TMEFF1: variants seen among roughly 807,000 people sequenced by gnomAD.
The protein encoded by TMEFF1 is transmembrane protein with EGF like and two follistatin like domains 1, also known as tomoregulin-1.
Under a neutral mutation model 47.5 loss-of-function variants are expected in TMEFF1, and 20 were observed. That is an observed-to-expected ratio of 0.42 (90% CI 0.30 to 0.61). The LOEUF is 0.61. Among genes scored for constraint, TMEFF1 ranks in the 20% least tolerant of loss-of-function variants. The pLI is 0.19. For synonymous variants in TMEFF1, 162 were observed against 166.3 expected, an observed-to-expected ratio of 0.97 and a Z score of 0.20; for missense variants, 411 against 471.1, an observed-to-expected ratio of 0.87 and a Z score of 1.18.
chr9:100,547,904 T>G lies in TMEFF1; in HGVS notation c.709+12T>G, dbSNP rs1460539764. ...TGGTCATTGCACAGGTAAAATCCAT[T>G]TTATTTATTCAGAGACCCATCTTTA... is the stretch of plus-strand genomic sequence containing the variant. On this transcript the variant is annotated intron_variant, in intron 6 of 9. Transcript: ENST00000374879. The G allele has an allele frequency of 6.4e-7, 1 of 1,565,732 alleles. No individual in the cohort carries two copies. The highest frequency in any genetic ancestry group is 8.6e-7 in the Non-Finnish European group (1 of 1,158,644).
chr9:100,573,916 A>G (rs547430825), intron 9 of TMEFF1, among the ~76,000 whole-genome samples: 3 of 152,286 alleles, frequency 2.0e-5, no homozygotes, highest in Non-Finnish European at 2.9e-5. Flanking sequence ...CATGTAACAA[A>G]TAATGATAAC....
At chr9:100,569,240 C>T (rs747318592) in intron 8 of TMEFF1, among the ~76,000 whole-genome samples, 94 of 152,086 alleles carry the variant, frequency 6.2e-4, no homozygotes, top group Non-Finnish European at 1.1e-3. Context: ...TTTAGGCTAT[C>T]GTAGTAACTG....
chr9:100,550,183 A>G lies in TMEFF1; in HGVS notation c.775+23A>G, dbSNP rs199512679. On this transcript the variant is annotated intron_variant, in intron 7 of 9. Coordinates refer to ENST00000374879, the MANE Select transcript of TMEFF1 (RefSeq NM_003692.5). The stretch of plus-strand genomic sequence containing the variant: ...AAGGTACTGAATCATGCATCTCCAA[A>G]TTTTGGCCAGCTATGGAAATACGGT... The G allele has an allele frequency of 5.4e-5, 86 of 1,604,048 alleles. No homozygotes were observed. The East Asian group carries it at 1.9e-3, about 36-fold the overall frequency.
At chr9:100,547,964 G>T (rs999898550) in intron 6 of TMEFF1, 72 bp downstream of exon 6, 8 of 1,324,806 alleles carry the variant, frequency 6.0e-6, no homozygotes, top group Non-Finnish European at 7.8e-6. Flanking sequence ...TGTACATTTG[G>T]TAGTGTTTCA....
chr9:100,486,437 T>C (rs1194108713), intron 1 of TMEFF1, among the ~76,000 whole-genome samples: 3 of 152,024 alleles, frequency 2.0e-5, no homozygotes, highest in Admixed American at 2.0e-4. Context: ...AGATGGGGTT[T>C]CACCATATTG....
At chr9:100,523,760 G>C (rs1377513013) in intron 5 of TMEFF1, among the ~76,000 whole-genome samples, 1 of 152,156 alleles carries the variant, frequency 6.6e-6, no homozygotes, top group Admixed American at 6.5e-5. Flanking sequence ...ATGTTTTTCA[G>C]TAATAATACC....
chr9:100,555,189 A>G (rs1564026574), intron 7 of TMEFF1, among the ~76,000 whole-genome samples: 1 of 151,896 alleles, frequency 6.6e-6, no homozygotes, highest in Non-Finnish European at 1.5e-5. Context: ...ACACACACAC[A>G]CACACGCACA....
At chr9:100,534,944 T>G (rs141556397) in intron 5 of TMEFF1, among the ~76,000 whole-genome samples, 171 of 152,242 alleles carry the variant, frequency 1.1e-3, no homozygotes, top group Admixed American at 3.4e-3. Context: ...GTGGGCAAAA[T>G]TTTTTTGTAA....
At chr9:100,561,910 G>C (rs1051921962) in intron 8 of TMEFF1, among the ~76,000 whole-genome samples, 1 of 152,124 alleles carries the variant, frequency 6.6e-6, no homozygotes, top group Non-Finnish European at 1.5e-5. Flanking sequence ...AAAAATAAGG[G>C]GATGGGGACG....
At chr9:100,510,826 T>C (rs1837950346) in intron 3 of TMEFF1, among the ~76,000 whole-genome samples, 1 of 152,050 alleles carries the variant, frequency 6.6e-6, no homozygotes, top group African/African-American at 2.4e-5. Flanking sequence ...GATGAGTTGG[T>C]TGTGTGGTTA....
chr9:100,476,140 A>G (rs1837223629), intron 1 of TMEFF1, among the ~76,000 whole-genome samples: 1 of 151,252 alleles, frequency 6.6e-6, no homozygotes, highest in Non-Finnish European at 1.5e-5. Context: ...GTTTTCTAGC[A>G]GTAAGATATA....
intron 5 of TMEFF1, among the ~76,000 whole-genome samples, chr9:100,521,382 G>T (rs1838157455): frequency 6.6e-6 from 1 of 152,170 alleles, no homozygotes. Flanking sequence ...TAGAGGTGTA[G>T]GTGGTTGAGG....
At chr9:100,493,690 C>T (rs943616758) in intron 1 of TMEFF1, among the ~76,000 whole-genome samples, 1 of 152,148 alleles carries the variant, frequency 6.6e-6, no homozygotes, top group Non-Finnish European at 1.5e-5. Flanking sequence ...AGTAATGGCT[C>T]ATCCGTTTTA....
At chr9:100,568,356 T>C (rs1161528160) in intron 8 of TMEFF1, among the ~76,000 whole-genome samples, 1 of 152,204 alleles carries the variant, frequency 6.6e-6, no homozygotes, top group East Asian at 1.9e-4. Flanking sequence ...ATGAAGGACA[T>C]TATTTAAAAA....
Position 100,513,308 on chromosome 9 carries a change from T to A in TMEFF1, c.438T>A (p.Asp146Glu). The A allele has an allele frequency of 1.3e-6, 2 of 1,598,048 alleles. No individual in the cohort carries two copies. The highest frequency in any genetic ancestry group is 1.7e-6 in the Non-Finnish European group (2 of 1,174,332). ...TTCATTCTTTGTTTTTCTTCTCAGATAATGGATCTGGATCTGGAGAAGGAG... is the reference window on the plus strand; with the variant it reads ...TTCATTCTTTGTTTTTCTTCTCAGAAAATGGATCTGGATCTGGAGAAGGAG... Reference protein sequence around the residue: ...TVIARGPCYSDNGSGSGEGEE... With the variant: ...TVIARGPCYSENGSGSGEGEE... Residue 146 changes from aspartate (D) to glutamate (E), a missense_variant and splice_region_variant, in exon 4 of 10, where the codon GAT becomes GAA. Physicochemically the swap from Asp to Glu is conservative, Grantham distance 45 (BLOSUM62 2). Transcript: ENST00000374879.
chr9:100,541,428 C>T (rs1462389743), intron 5 of TMEFF1, among the ~76,000 whole-genome samples: 2 of 137,890 alleles, frequency 1.5e-5, no homozygotes, highest in African/African-American at 5.5e-5. Context: ...GGCTGGAGTG[C>T]AGTGGCGCTA....
At position 100,516,999 on chromosome 9, in the gene TMEFF1, T is replaced by A. The variant is rs149839945; in HGVS notation, c.560+228T>A. Among the ~76,000 whole-genome samples, 5 of 152,320 alleles carry A rather than the reference T, an allele frequency of 3.3e-5. No individual in the cohort carries two copies. In the East Asian group the frequency reaches 9.6e-4, roughly 29 times the overall value. On this transcript the variant is annotated intron_variant, in intron 5 of 9. Coordinates refer to ENST00000374879, the MANE Select transcript of TMEFF1 (RefSeq NM_003692.5). ...GATAATCCATTTATAGTTTTCTGGT[T>A]TTATCTATGCTTTTCTTCCTCCCTG...
intron 1 of TMEFF1, among the ~76,000 whole-genome samples, chr9:100,485,409 A>G (rs140941103): frequency 1.3e-5 from 2 of 152,322 alleles, no homozygotes; most frequent in African/African-American, 4.8e-5. Flanking sequence ...GTAAAACTCT[A>G]TGTTTAACAT....
At chr9:100,513,410 T>TTTTTTTA (rs1564014652) in intron 4 of TMEFF1, 77 bp downstream of exon 4, 2 of 1,225,260 alleles carry the variant, frequency 1.6e-6, no homozygotes, top group Non-Finnish European at 2.2e-6. Context: ...TTTTTTTTTT[T>TTTTTTTA]AAATCAGCTT....
Sources: gnomAD v4.1 joint callset for allele counts (sites outside exome capture counted in the v4.1 genomes callset) on GRCh38, gnomAD v4.1.1 for gene constraint, MANE v1.5 for transcripts, NCBI Gene and HGNC (gene_info 2026-07-23, HGNC 2026-07-21) for gene names.